The following RGS7BP variants were observed in gnomAD, a reference collection of about 807,000 sequenced individuals.
RGS7BP encodes regulator of G protein signaling 7 binding protein.
In RGS7BP, 9 loss-of-function variants were observed where a neutral mutation model predicts 31.3. That is an observed-to-expected ratio of 0.29 (90% CI 0.17 to 0.50). The LOEUF (loss-of-function observed/expected upper bound fraction) is 0.50. Among genes scored for constraint, RGS7BP ranks in the 20% least tolerant of loss-of-function variants. The pLI, the probability that RGS7BP is intolerant of heterozygous loss-of-function variation, is 0.98. For synonymous variants in RGS7BP, 115 were observed against 120.1 expected (o/e 0.96, Z 0.28); for missense variants, 274 against 322.0 (o/e 0.85, Z 1.14).
At position 64,609,613 on chromosome 5, in the gene RGS7BP, T is replaced by C. The variant is rs540140154; in HGVS notation, c.*361T>C. 4 of 171,546 alleles carry C rather than the reference T, an allele frequency of 2.3e-5. No homozygotes were observed. In the East Asian group the frequency reaches 5.7e-4, roughly 24 times the overall value. 10.6% of individuals were successfully genotyped at this position (171,546 alleles called of 1,614,324 possible). On this transcript the variant is annotated 3_prime_UTR_variant, in exon 6 of 6. Transcript: ENST00000334025. ...AAAATATTTCACATATAATAGTATA[T>C]CTATAGCTCTTGCTGATCTCATGTT...
At chr5:64,567,129 C>G (rs986481671) in intron 2 of RGS7BP, among the ~76,000 whole-genome samples, 1 of 151,860 alleles carries the variant, frequency 6.6e-6, no homozygotes, top group African/African-American at 2.4e-5. Flanking sequence ...GCATGCACAG[C>G]TACTGCGCAT....
chr5:64,577,873 GC>G (rs1742479028), intron 3 of RGS7BP, among the ~76,000 whole-genome samples: 1 of 152,174 alleles, frequency 6.6e-6, no homozygotes, highest in Admixed American at 6.5e-5. Flanking sequence ...GGCTGCACCT[GC>G]AGGATTTCAT....
chr5:64,506,800 A>G lies in RGS7BP; in HGVS notation c.165+11A>G. The G allele has an allele frequency of 1.3e-6, 2 of 1,503,274 alleles. No individual in the cohort carries two copies. Among genetic ancestry groups the G allele is most frequent in the South Asian group, 1.3e-5 (1 of 77,706 alleles). The allele number at this position is 1,503,274 out of a possible 1,614,324, so 93.1% of individuals were successfully genotyped here. On this transcript the variant is annotated intron_variant, in intron 1 of 5. Transcript: ENST00000334025. The surrounding 1 kb of genome is among the most constrained non-coding windows in gnomAD (Gnocchi z 4.6). ...GACGACTGCAAGATGGTGGGTGAAA[A>G]CTGCGCCTCTTTTTTTTTTTTTTTA...
chr5:64,537,022 T>C (rs1274144110), intron 2 of RGS7BP, among the ~76,000 whole-genome samples: 1 of 152,206 alleles, frequency 6.6e-6, no homozygotes, highest in Non-Finnish European at 1.5e-5. Flanking sequence ...TTAAAGAAAT[T>C]AAAACTGGAA....
intron 2 of RGS7BP, among the ~76,000 whole-genome samples, chr5:64,531,724 A>G (rs997685155): frequency 1.3e-5 from 2 of 152,230 alleles, no homozygotes; most frequent in African/African-American, 4.8e-5. Context: ...CAGATCCTGA[A>G]AAAAATCTTG....
At chr5:64,520,460 G>T (rs910526283) in intron 2 of RGS7BP, among the ~76,000 whole-genome samples, 1 of 152,218 alleles carries the variant, frequency 6.6e-6, no homozygotes, top group Non-Finnish European at 1.5e-5. Context: ...GAAGCTGCCA[G>T]TGGAATGTAA....
chr5:64,609,231 G>A lies in RGS7BP; in HGVS notation c.753G>A (p.Leu251=). The A allele has an allele frequency of 1.2e-6, 2 of 1,607,046 alleles. No individual in the cohort carries two copies. ...VRRRKRRFFG[L]CCLISS is the part of the protein sequence containing the mutation. ...GACGGAAGAGAAGGTTCTTTGGGCTGTGTTGTCTCATCTCAAGCTAGGTGG... is the reference window on the plus strand; with the variant it reads ...GACGGAAGAGAAGGTTCTTTGGGCTATGTTGTCTCATCTCAAGCTAGGTGG... The change falls in exon 6 of 6, where the codon CTG becomes CTA. Residue 251 remains leucine (L), a synonymous_variant. Transcript: ENST00000334025.
At chr5:64,511,954 C>G (rs1303923018) in intron 2 of RGS7BP, among the ~76,000 whole-genome samples, 1 of 152,196 alleles carries the variant, frequency 6.6e-6, no homozygotes, top group Non-Finnish European at 1.5e-5. Flanking sequence ...AGAGGCTGCT[C>G]TAAGACTGGG....
rs151227249 is a variant in RGS7BP, at chr5:64,589,024, G to A, written c.464-5686G>A. ...TAGTTACTGAGGGATGGGTAGGTAC[G>A]GTGGCTCATGCATGTAATCCCAGCA... On this transcript the variant is annotated intron_variant, in intron 3 of 5. Transcript: ENST00000334025. 2.4e-3 allele frequency among the ~76,000 whole-genome samples: 359 copies of A among 152,170 alleles called. 2 individuals carry two copies. The highest frequency in any genetic ancestry group is 8.4e-3 in the African/African-American group (350 of 41,532).
rs112967390 is a variant in RGS7BP at position 64,556,943 on chromosome 5, C to T, written c.333-18831C>T. On this transcript the variant is annotated intron_variant, in intron 2 of 5. Coordinates refer to ENST00000334025, the MANE Select transcript of RGS7BP (RefSeq NM_001029875.3). ...CATGTTTAAATTGTAAAGGAGACTG[C>T]TTTTCATAATTCTTACTAGAGGGAA... Among the ~76,000 whole-genome samples the T allele has an allele frequency of 5.1e-3, 773 of 152,152 alleles. 6 individuals are homozygous for T. The highest frequency in any genetic ancestry group is 0.018 in the African/African-American group (736 of 41,508).
intron 3 of RGS7BP, among the ~76,000 whole-genome samples, chr5:64,578,370 C>A (rs1233515553): frequency 6.6e-6 from 1 of 152,214 alleles, no homozygotes; most frequent in East Asian, 1.9e-4. Flanking sequence ...GGATTTCTAT[C>A]TTCTAAAATC....
chr5:64,573,582 C>T (rs2111893907), intron 2 of RGS7BP: 1 of 151,284 alleles, frequency 6.6e-6, no homozygotes, highest in Admixed American at 6.6e-5. Context: ...TTCAGCATCA[C>T]ATACACTAAA....
chr5:64,609,152 C>T lies in RGS7BP; in HGVS notation c.683-9C>T. The stretch of plus-strand genomic sequence containing the variant: ...ACCTCACTTATGTGCACATTATGTC[C>T]CATCACAGATGACAGCAGCCTTCTG... On this transcript the variant is annotated splice_polypyrimidine_tract_variant and intron_variant, in intron 5 of 5. Coordinates refer to ENST00000334025, the MANE Select transcript of RGS7BP (RefSeq NM_001029875.3). 2 of 1,573,622 alleles carry T rather than the reference C, an allele frequency of 1.3e-6. No homozygotes were observed. The highest frequency in any genetic ancestry group is 1.1e-5 in the South Asian group (1 of 90,200).
chr5:64,538,426 T>C (rs1469828007), intron 2 of RGS7BP, among the ~76,000 whole-genome samples: 1 of 151,874 alleles, frequency 6.6e-6, no homozygotes, highest in Non-Finnish European at 1.5e-5. Flanking sequence ...TTGTCTTTGT[T>C]TTGCCTTTGT....
rs145795295 is a variant in RGS7BP, at chr5:64,586,749, A to G, written c.464-7961A>G. ...AAGTTTCAATTAATGGTTATTGAATAAGTGAATAAATTGCTTTAGTTCTGT... is the reference window on the plus strand; with the variant it reads ...AAGTTTCAATTAATGGTTATTGAATGAGTGAATAAATTGCTTTAGTTCTGT... On this transcript the variant is annotated intron_variant, in intron 3 of 5. Transcript: ENST00000334025. 3.9e-3 allele frequency among the ~76,000 whole-genome samples: 589 copies of G among 152,346 alleles called. 6 individuals carry two copies. Among genetic ancestry groups the G allele is most frequent in the South Asian group, 7.2e-3 (35 of 4,830 alleles).
At chr5:64,526,647 A>T (rs2111912253) in intron 2 of RGS7BP, among the ~76,000 whole-genome samples, 1 of 152,288 alleles carries the variant, frequency 6.6e-6, no homozygotes, top group African/African-American at 2.4e-5. Context: ...ATACCTCTGT[A>T]GGACAGTTAG....
chr5:64,515,940 C>G (rs1349254610), intron 2 of RGS7BP, among the ~76,000 whole-genome samples: 1 of 151,994 alleles, frequency 6.6e-6, no homozygotes, highest in African/African-American at 2.4e-5. Flanking sequence ...GCTGGGACTA[C>G]AGGCATGCAC....
At chr5:64,598,764 T>C (rs1431241597) in intron 5 of RGS7BP, among the ~76,000 whole-genome samples, 2 of 152,210 alleles carry the variant, frequency 1.3e-5, no homozygotes, top group African/African-American at 4.8e-5. Context: ...CTTGTGTAAT[T>C]ATCTTTAAAA....
chr5:64,564,114 T>C (rs1192399234), intron 2 of RGS7BP, among the ~76,000 whole-genome samples: 1 of 152,168 alleles, frequency 6.6e-6, no homozygotes, highest in African/African-American at 2.4e-5. Flanking sequence ...ATTGAAGTGG[T>C]TATTTTAAAG....
Sources: allele counts gnomAD v4.1 joint callset (sites outside exome capture counted in the v4.1 genomes callset), GRCh38; gene constraint gnomAD v4.1.1; non-coding constraint Gnocchi (gnomAD v3.1); transcripts MANE v1.5; gene names NCBI Gene and HGNC (gene_info 2026-07-23, HGNC 2026-07-21).